The following CDKAL1 variants were observed in gnomAD, a reference collection of about 807,000 sequenced individuals.
CDKAL1 encodes the protein CDKAL1 threonylcarbamoyladenosine tRNA methylthiotransferase.
In CDKAL1, 32 loss-of-function variants were observed where a neutral mutation model predicts 68.2. The ratio of observed to expected loss-of-function variants is 0.47; its 90% CI spans 0.35 to 0.63. CDKAL1 has a LOEUF of 0.63. CDKAL1 is among the 30% of genes least tolerant of loss of function. CDKAL1 has a pLI of 0.00. For synonymous variants in CDKAL1, 234 were observed against 244.3 expected (o/e 0.96, Z 0.39); for missense variants, 606 against 696.7 (o/e 0.87, Z 1.47).
chr6:20,658,360 G>C (rs958362426), intron 5 of CDKAL1, among the ~76,000 whole-genome samples: 2 of 152,164 alleles, frequency 1.3e-5, no homozygotes, highest in South Asian at 4.1e-4. Context: ...TGGTAATGTC[G>C]AAGGGATGGC....
At chr6:20,713,863 TG>T (rs1346128142) in intron 5 of CDKAL1, among the ~76,000 whole-genome samples, 3 of 152,194 alleles carry the variant, frequency 2.0e-5, no homozygotes, top group Non-Finnish European at 4.4e-5. Context: ...CTACCTGTTT[TG>T]GTTTTTGTAA....
chr6:20,819,957 G>A (rs1474429263), intron 8 of CDKAL1, among the ~76,000 whole-genome samples: 3 of 152,148 alleles, frequency 2.0e-5, no homozygotes, highest in Non-Finnish European at 2.9e-5. Flanking sequence ...TGGAGGCTGC[G>A]TAGTAACCGC....
At chr6:20,948,085 A>G (rs1251887542) in intron 9 of CDKAL1, among the ~76,000 whole-genome samples, 1 of 147,534 alleles carries the variant, frequency 6.8e-6, no homozygotes, top group Non-Finnish European at 1.5e-5. Flanking sequence ...TGGTGCAATC[A>G]TAGCTCACTG....
intron 9 of CDKAL1, among the ~76,000 whole-genome samples, chr6:20,930,745 TA>T (rs1264777040): frequency 0.033 from 2,587 of 78,448 alleles, 37 homozygotes; most frequent in Non-Finnish European, 0.043. Context: ...GTATTATGTG[TA>T]TTTTTTTTTT....
intron 8 of CDKAL1, among the ~76,000 whole-genome samples, chr6:20,839,815 C>G (rs1778104190): frequency 6.6e-6 from 1 of 152,174 alleles, no homozygotes; most frequent in South Asian, 2.1e-4. Flanking sequence ...TAGCACTCCT[C>G]CTAGCTGTGT....
chr6:20,850,418 A>G (rs1345921163), intron 9 of CDKAL1, among the ~76,000 whole-genome samples: 1 of 152,094 alleles, frequency 6.6e-6, no homozygotes, highest in Non-Finnish European at 1.5e-5. Context: ...TAGGATCAAA[A>G]TTTTATTCCA....
At chr6:20,806,189 A>G (rs1207471724) in intron 8 of CDKAL1, among the ~76,000 whole-genome samples, 4 of 152,140 alleles carry the variant, frequency 2.6e-5, no homozygotes, top group South Asian at 2.1e-4. Flanking sequence ...CTTTGTATCC[A>G]TATGTACTCA....
At chr6:20,728,534 T>C (rs1403897176) in intron 5 of CDKAL1, among the ~76,000 whole-genome samples, 1 of 152,154 alleles carries the variant, frequency 6.6e-6, no homozygotes, top group African/African-American at 2.4e-5. Flanking sequence ...CACAGCTTGA[T>C]GGAGCTTGGT....
chr6:21,071,190 A>G (rs1289914603), intron 12 of CDKAL1, among the ~76,000 whole-genome samples: 1 of 152,172 alleles, frequency 6.6e-6, no homozygotes, highest in African/African-American at 2.4e-5. Flanking sequence ...CCCAAATCTC[A>G]TCTTGAATTG....
At chr6:21,137,587 C>T (rs902065067) in intron 13 of CDKAL1, among the ~76,000 whole-genome samples, 4 of 152,058 alleles carry the variant, frequency 2.6e-5, no homozygotes, top group Non-Finnish European at 4.4e-5. Context: ...AAGTAAAACA[C>T]GTATAGAATG....
At chr6:20,584,080 T>C (rs953343197) in intron 4 of CDKAL1, among the ~76,000 whole-genome samples, 5 of 151,622 alleles carry the variant, frequency 3.3e-5, no homozygotes, top group Non-Finnish European at 5.9e-5. Context: ...ACTACTCATA[T>C]TTCACATTTG....
intron 4 of CDKAL1, among the ~76,000 whole-genome samples, chr6:20,643,120 A>T (rs1768267453): frequency 6.6e-6 from 1 of 152,230 alleles, no homozygotes; most frequent in Non-Finnish European, 1.5e-5. Context: ...TCTAACGCTC[A>T]AATCTCGAAG....
intron 11 of CDKAL1, among the ~76,000 whole-genome samples, chr6:21,056,308 G>T (rs1770831852): frequency 6.6e-6 from 1 of 152,098 alleles, no homozygotes; most frequent in South Asian, 2.1e-4. Flanking sequence ...GTTCATTCAT[G>T]ATTTGGCTCT....
At chr6:20,721,523 A>G (rs1772359154) in intron 5 of CDKAL1, among the ~76,000 whole-genome samples, 1 of 152,154 alleles carries the variant, frequency 6.6e-6, no homozygotes. Flanking sequence ...TACAATAAAT[A>G]TGTAAGTGCA....
At chr6:20,972,596 A>G (rs1002592635) in intron 10 of CDKAL1, among the ~76,000 whole-genome samples, 1 of 152,236 alleles carries the variant, frequency 6.6e-6, no homozygotes, top group Non-Finnish European at 1.5e-5. Flanking sequence ...AAGGGAATGA[A>G]CAGCCCATCT....
At chr6:20,998,745 T>G (rs545702161) in intron 10 of CDKAL1, among the ~76,000 whole-genome samples, 1 of 152,202 alleles carries the variant, frequency 6.6e-6, no homozygotes, top group Non-Finnish European at 1.5e-5. Context: ...AATTTAGTAG[T>G]CTATATGTAA....
intron 9 of CDKAL1, among the ~76,000 whole-genome samples, chr6:20,926,310 T>G (rs1763184865): frequency 6.6e-6 from 1 of 152,134 alleles, no homozygotes; most frequent in East Asian, 1.9e-4. Context: ...GTCAAGGATA[T>G]GTTGATCTTG....
intron 11 of CDKAL1, among the ~76,000 whole-genome samples, chr6:21,054,246 A>G (rs1212086266): frequency 1.3e-5 from 2 of 152,120 alleles, no homozygotes; most frequent in African/African-American, 2.4e-5. Flanking sequence ...TGCCTTGGTA[A>G]TTTTGTTGAA....
chr6:20,825,019 G>A (rs1164536365), intron 8 of CDKAL1, among the ~76,000 whole-genome samples: 1 of 152,050 alleles, frequency 6.6e-6, no homozygotes, highest in East Asian at 1.9e-4. Context: ...TTATATTTCT[G>A]CTTTTTCCTA....
Sources: gnomAD v4.1 joint callset for allele counts (sites outside exome capture counted in the v4.1 genomes callset) on GRCh38, gnomAD v4.1.1 for gene constraint, MANE v1.5 for transcripts, NCBI Gene and HGNC (gene_info 2026-07-23, HGNC 2026-07-21) for gene names.